ARHGEF38: variants seen among roughly 807,000 people sequenced by gnomAD.
ARHGEF38 encodes the protein Rho guanine nucleotide exchange factor (GEF) 38.
ARHGEF38 carries 79 observed loss-of-function variants against 79.9 expected under a neutral mutation model. That is an observed-to-expected ratio of 0.99 (90% CI 0.82 to 1.19). The LOEUF (loss-of-function observed/expected upper bound fraction) is 1.19. Ranked by LOEUF, ARHGEF38 falls within the 50% of genes most tolerant of loss-of-function variation. ARHGEF38 has a pLI of 0.00. For synonymous variants in ARHGEF38, 366 were observed against 328.3 expected (o/e 1.11, Z -1.24); for missense variants, 962 against 907.2 (o/e 1.06, Z -0.78).
intron 1 of ARHGEF38, among the ~76,000 whole-genome samples, chr4:105,561,395 T>G (rs1725518308): frequency 3.3e-4 from 4 of 12,242 alleles, no homozygotes; most frequent in East Asian, 2.6e-3. Flanking sequence ...AAAAATAGAG[T>G]AGAATAATAG....
At chr4:105,656,443 A>T (rs562744594) in intron 9 of ARHGEF38, among the ~76,000 whole-genome samples, 42 of 152,366 alleles carry the variant, frequency 2.8e-4, no homozygotes, top group African/African-American at 9.6e-4. Flanking sequence ...TTTAAGAGTC[A>T]TATGTTATTT....
chr4:105,560,971 A>G (rs1725489462), intron 1 of ARHGEF38, among the ~76,000 whole-genome samples: 1 of 152,196 alleles, frequency 6.6e-6, no homozygotes, highest in Non-Finnish European at 1.5e-5. Flanking sequence ...CCTTAAGAAT[A>G]AAAACACATC....
At position 105,667,784 on chromosome 4, in the gene ARHGEF38, CT is replaced by C. The variant is rs1730808354; in HGVS notation, c.2148+83del. On this transcript the variant is annotated intron_variant, in intron 13 of 13. Transcript: ENST00000420470. ...TACTGTACTCTATAATACTGTAACA[CT>C]TGGTGGAAAAGTGCCAGCTTTGACA... 31 of 1,466,286 alleles carry C rather than the reference CT, an allele frequency of 2.1e-5. No homozygotes were observed. In the South Asian group the frequency reaches 4.0e-4, roughly 19 times the overall value. 90.8% of individuals were successfully genotyped at this position (1,466,286 alleles called of 1,614,324 possible).
At chr4:105,554,690 T>A (rs1455305206) in intron 1 of ARHGEF38, among the ~76,000 whole-genome samples, 1 of 152,154 alleles carries the variant, frequency 6.6e-6, no homozygotes, top group African/African-American at 2.4e-5. Flanking sequence ...AATTTTCCTG[T>A]CTGTGAAAGT....
At chr4:105,585,944 C>A (rs767806320) in intron 1 of ARHGEF38, among the ~76,000 whole-genome samples, 1 of 151,566 alleles carries the variant, frequency 6.6e-6, no homozygotes, top group Non-Finnish European at 1.5e-5. Flanking sequence ...TTGGTCAGGC[C>A]GGTATGAAAC....
At position 105,589,227 on chromosome 4, in the gene ARHGEF38, G is replaced by T. The variant is rs533489084; in HGVS notation, c.197-21G>T. ...GAAACCTCAGCAGAATGCCTCACCT[G>T]TATATGTTTTCATTTAACAGAAAAG... On this transcript the variant is annotated intron_variant, in intron 1 of 13. Coordinates refer to ENST00000420470, the MANE Select transcript of ARHGEF38 (RefSeq NM_001242729.2). 5 of 1,598,164 alleles carry T rather than the reference G, an allele frequency of 3.1e-6. No individual in the cohort carries two copies. In the African/African-American group the frequency reaches 5.4e-5, roughly 17 times the overall value.
In ARHGEF38 at chr4:105,679,100, A is replaced by T. The variant is rs1731216305; in HGVS notation, c.*1163A>T. On this transcript the variant is annotated 3_prime_UTR_variant, in exon 14 of 14. Coordinates refer to ENST00000420470, the MANE Select transcript of ARHGEF38 (RefSeq NM_001242729.2). ...CCACTTCTTGATCTATTTCTGTTCC[A>T]CTTCGTCTTCTACCATCTTGCCGAC... 1.8e-6 allele frequency: 1 copy of T among 557,632 alleles called. No homozygotes were observed. Among genetic ancestry groups the T allele is most frequent in the Non-Finnish European group, 2.8e-6 (1 of 352,536 alleles). 34.5% of individuals were successfully genotyped at this position (557,632 alleles called of 1,614,324 possible).
chr4:105,670,061 A>C (rs1730908226), intron 13 of ARHGEF38, among the ~76,000 whole-genome samples: 1 of 152,026 alleles, frequency 6.6e-6, no homozygotes, highest in African/African-American at 2.4e-5. Flanking sequence ...GGTAACTTCT[A>C]GTTTGGGGCT....
chr4:105,569,528 T>C (rs540383855), intron 1 of ARHGEF38, among the ~76,000 whole-genome samples: 3 of 152,312 alleles, frequency 2.0e-5, no homozygotes, highest in East Asian at 1.9e-4. Flanking sequence ...AAGTAAATCA[T>C]GGTCGTAAAA....
chr4:105,637,374 G>C (rs543386981), intron 5 of ARHGEF38, among the ~76,000 whole-genome samples: 1 of 152,198 alleles, frequency 6.6e-6, no homozygotes, highest in African/African-American at 2.4e-5. Context: ...TGAGACACCA[G>C]ACAGGCAACC....
At chr4:105,634,742 G>A (rs1729331487) in intron 4 of ARHGEF38, among the ~76,000 whole-genome samples, 1 of 152,096 alleles carries the variant, frequency 6.6e-6, no homozygotes, top group African/African-American at 2.4e-5. Context: ...ATGGATGGAA[G>A]ACACATTTCT....
In ARHGEF38 at chr4:105,655,709, C is replaced by T. The variant is rs909116032; in HGVS notation, c.1220C>T (p.Ser407Leu). 103 of 1,534,078 alleles carry T rather than the reference C, an allele frequency of 6.7e-5. No individual in the cohort carries two copies. Among genetic ancestry groups the T allele is most frequent in the Non-Finnish European group, 8.5e-5 (97 of 1,145,986 alleles). ...GAGACCCTAAGTAATGCCTTAAATT[C>T]GTGTCATGACTTTGTAAGTTATTTA... ...YSETLSNALN[S>L]CHDFASHLQR... Residue 407 changes from serine to leucine, a missense_variant, in exon 9 of 14, where the codon TCG becomes TTG. Coordinates refer to ENST00000420470, the MANE Select transcript of ARHGEF38 (RefSeq NM_001242729.2).
chr4:105,587,824 C>T (rs1727131038), intron 1 of ARHGEF38, among the ~76,000 whole-genome samples: 1 of 152,150 alleles, frequency 6.6e-6, no homozygotes, highest in African/African-American at 2.4e-5. Flanking sequence ...GTTTTGGATG[C>T]TATTTGTCAA....
intron 1 of ARHGEF38, among the ~76,000 whole-genome samples, chr4:105,555,386 G>T (rs1403716294): frequency 5.3e-5 from 8 of 152,156 alleles, no homozygotes; most frequent in Non-Finnish European, 1.0e-4. Flanking sequence ...GAACAGGGAA[G>T]GCGACAAGGG....
At chr4:105,639,429 G>A (rs1050922846) in intron 5 of ARHGEF38, among the ~76,000 whole-genome samples, 4 of 151,882 alleles carry the variant, frequency 2.6e-5, no homozygotes, top group Admixed American at 1.3e-4. Context: ...GTGCCTTTCA[G>A]ATTTTGTGTC....
intron 1 of ARHGEF38, among the ~76,000 whole-genome samples, chr4:105,564,545 T>A (rs1408658857): frequency 6.6e-6 from 1 of 152,084 alleles, no homozygotes; most frequent in Non-Finnish European, 1.5e-5. Context: ...TTTGGGAAGA[T>A]GAAAAAGTTG....
At chr4:105,634,697 T>C (rs565503455) in intron 4 of ARHGEF38, among the ~76,000 whole-genome samples, 160 of 147,038 alleles carry the variant, frequency 1.1e-3, no homozygotes, top group South Asian at 2.1e-3. Flanking sequence ...TATTTTGTAA[T>C]AGAAAGAGAA....
At chr4:105,594,590 A>C (rs963245338) in intron 2 of ARHGEF38, among the ~76,000 whole-genome samples, 3 of 152,226 alleles carry the variant, frequency 2.0e-5, no homozygotes, top group African/African-American at 7.2e-5. Flanking sequence ...ATTTTATTTA[A>C]GTGAAAATTG....
At chr4:105,565,590 G>C (rs927175019) in intron 1 of ARHGEF38, among the ~76,000 whole-genome samples, 1 of 152,144 alleles carries the variant, frequency 6.6e-6, no homozygotes, top group Admixed American at 6.5e-5. Context: ...GCACTATACG[G>C]GTAGAAAGGG....
Sources: gnomAD v4.1 joint callset for allele counts (sites outside exome capture counted in the v4.1 genomes callset) on GRCh38, gnomAD v4.1.1 for gene constraint, MANE v1.5 for transcripts, NCBI Gene and HGNC (gene_info 2026-07-23, HGNC 2026-07-21) for gene names.